The following PLAAT5 variants were observed in gnomAD, a reference collection of about 807,000 sequenced individuals.
The protein encoded by PLAAT5 is Ca(2+)-independent N-acyltransferase.
A neutral mutation model predicts 27.8 loss-of-function variants in PLAAT5; 27 were observed. The ratio of observed to expected loss-of-function variants is 0.97; its 90% CI spans 0.72 to 1.34. The LOEUF is 1.34. PLAAT5 is among the 40% of genes most tolerant of loss of function. The pLI is 0.00. For missense variants in PLAAT5, 368 were observed against 343.8 expected (o/e 1.07, Z -0.56); for synonymous variants, 125 against 136.1 (o/e 0.92, Z 0.57).
chr11:63,471,956 C>T (rs947951962), intron 3 of PLAAT5, among the ~76,000 whole-genome samples: 8 of 152,090 alleles, frequency 5.3e-5, no homozygotes, highest in Non-Finnish European at 8.8e-5. Context: ...AACCAAACAC[C>T]GCATGTTCTC....
intron 3 of PLAAT5, among the ~76,000 whole-genome samples, chr11:63,474,201 G>C (rs1200627096): frequency 1.3e-5 from 2 of 152,070 alleles, no homozygotes; most frequent in African/African-American, 4.8e-5. Context: ...TTGGTATCAA[G>C]GTAATACTGG....
At chr11:63,463,733 C>G in intron 5 of PLAAT5, 138 bp from the exon 6 acceptor site, 1 of 658,008 alleles carries the variant, frequency 1.5e-6, no homozygotes, top group South Asian at 1.8e-5. Context: ...TCCATGCTAT[C>G]TTATATTTTC....
intron 3 of PLAAT5, among the ~76,000 whole-genome samples, chr11:63,483,835 A>ATG (rs2016367154): frequency 1.7e-5 from 2 of 120,776 alleles, no homozygotes; most frequent in Middle Eastern, 4.1e-3. Context: ...ATATATATAT[A>ATG]TATATATACA....
chr11:63,478,325 CTT>C (rs768796267), intron 3 of PLAAT5, among the ~76,000 whole-genome samples: 16 of 143,858 alleles, frequency 1.1e-4, no homozygotes, highest in Non-Finnish European at 9.2e-5. Flanking sequence ...AATAGACTTT[CTT>C]TTTTTTTTTT....
At chr11:63,490,118 G>T in intron 2 of PLAAT5, 125 bp downstream of exon 2, 1 of 1,272,164 alleles carries the variant, frequency 7.9e-7, no homozygotes, top group Non-Finnish European at 1.1e-6. Flanking sequence ...CCTTCCCCTT[G>T]CTGGGTACCG....
chr11:63,479,093 G>A (rs1052126268), intron 3 of PLAAT5, among the ~76,000 whole-genome samples: 2 of 152,200 alleles, frequency 1.3e-5, no homozygotes, highest in Non-Finnish European at 2.9e-5. Context: ...CCCAGGGAAA[G>A]CAGTAGGGAT....
Position 63,483,647 on chromosome 11 carries a change from CAAAAAA to C in PLAAT5, c.345+5218_345+5223del, listed in dbSNP as rs899244670. 2.3e-4 allele frequency among the ~76,000 whole-genome samples: 15 copies of C among 64,270 alleles called. 1 individual carries two copies. Among genetic ancestry groups the C allele is most frequent in the Admixed American group, 1.6e-3 (9 of 5,462 alleles). 42.2% of individuals were successfully genotyped at this position (64,270 alleles called of 152,430 possible). A position where few individuals can be genotyped will look rare whatever the true frequency, so the allele number is the denominator to read the frequency against. ...AGTTCATAGCATTAAATGCCTACACCAAAAAAAAAAAAAAAAAAAAATCTAAGGTTA... is the reference window on the plus strand; with the variant it reads ...AGTTCATAGCATTAAATGCCTACACCAAAAAAAAAAAAAAATCTAAGGTTA... On this transcript the variant is annotated intron_variant, in intron 3 of 5. Transcript: ENST00000540857.
chr11:63,481,005 T>C lies in PLAAT5; in HGVS notation c.345+7866A>G, dbSNP rs149338177. ...TGCATTTTGTATATCTCTAAGTGTG[T>C]CTTTCATTTCCATAAGTTGTGCTTT... On this transcript the variant is annotated intron_variant, in intron 3 of 5. Transcript: ENST00000540857. Among the ~76,000 whole-genome samples the C allele has an allele frequency of 3.3e-3, 503 of 152,354 alleles. 1 individual carries two copies. Among genetic ancestry groups the C allele is most frequent in the African/African-American group, 0.011 (477 of 41,584 alleles).
At position 63,468,415 on chromosome 11, in the gene PLAAT5, G is replaced by C; in HGVS notation, c.396C>G (p.Gly132=). Residue 132 remains glycine, a synonymous_variant, in exon 4 of 6, where the codon GGC becomes GGG. Coordinates refer to ENST00000540857, the MANE Select transcript of PLAAT5 (RefSeq NM_001146729.2). ...CTACATAGATGGCCCAGTGCTCATA[G>C]CCAATTCGAAAAATCTCAATCAGGT... ...PGDLIEIFRI[G]YEHWAIYVED... The C allele has an allele frequency of 1.2e-6, 2 of 1,614,142 alleles. No homozygotes were observed. The highest frequency in any genetic ancestry group is 1.7e-6 in the Non-Finnish European group (2 of 1,179,998).
chr11:63,488,961 AAC>A lies in PLAAT5; in HGVS notation c.253_254del (p.Val85Ter). 1 of 1,611,598 alleles carries A rather than the reference AAC, an allele frequency of 6.2e-7. No individual in the cohort carries two copies. Among genetic ancestry groups the A allele is most frequent in the African/African-American group, 1.3e-5 (1 of 74,782 alleles). ...RSIQQGEKAVVSLETTPSQKA... is the reference protein window; with the variant it reads ...RSIQQGEKAVXSLETTPSQKA... ...TCTGGCTGGGTGTGGTCTCCAAGCT[AAC>A]TACAGCCTTCTCCCTAAATGATTTT... On this transcript the variant is annotated frameshift_variant, in exon 3 of 6. Coordinates refer to ENST00000540857, the MANE Select transcript of PLAAT5 (RefSeq NM_001146729.2). LOFTEE classifies it high-confidence loss of function.
In PLAAT5 at chr11:63,462,079, A is replaced by G. The variant is rs1289322612; in HGVS notation, c.*1424T>C. ...CAACATCCAGTTTGTTTGATGAAAGATTAATATGGTCAATGAGCTCAAAGT... is the reference window on the plus strand; with the variant it reads ...CAACATCCAGTTTGTTTGATGAAAGGTTAATATGGTCAATGAGCTCAAAGT... On this transcript the variant is annotated 3_prime_UTR_variant, in exon 6 of 6. Transcript: ENST00000540857. 1 of 152,224 alleles carries G rather than the reference A, an allele frequency of 6.6e-6. No individual in the cohort carries two copies. Among genetic ancestry groups the G allele is most frequent in the Non-Finnish European group, 1.5e-5 (1 of 68,048 alleles). 9.4% of individuals were successfully genotyped at this position (152,224 alleles called of 1,614,324 possible). A position where few individuals can be genotyped will look rare whatever the true frequency, so the allele number is the denominator to read the frequency against.
At chr11:63,487,309 G>A (rs1452090118) in intron 3 of PLAAT5, among the ~76,000 whole-genome samples, 1 of 152,108 alleles carries the variant, frequency 6.6e-6, no homozygotes, top group Non-Finnish European at 1.5e-5. Flanking sequence ...TATATGGATG[G>A]CAAATATACG....
At chr11:63,478,234 C>T (rs1022022693) in intron 3 of PLAAT5, among the ~76,000 whole-genome samples, 10 of 152,216 alleles carry the variant, frequency 6.6e-5, no homozygotes, top group African/African-American at 2.2e-4. Context: ...CTGGATAGAA[C>T]TTCCTTACCA....
chr11:63,464,386 G>A (rs2015798385), intron 5 of PLAAT5, among the ~76,000 whole-genome samples: 1 of 152,200 alleles, frequency 6.6e-6, no homozygotes, highest in Non-Finnish European at 1.5e-5. Flanking sequence ...GGTTGGGTGT[G>A]GTGGCTCACG....
At position 63,483,784 on chromosome 11, in the gene PLAAT5, AATATATATATATATATGTATAT is replaced by A. The variant is rs1314352399; in HGVS notation, c.345+5065_345+5086del. On this transcript the variant is annotated intron_variant, in intron 3 of 5. Coordinates refer to ENST00000540857, the MANE Select transcript of PLAAT5 (RefSeq NM_001146729.2). ...GTAAATGAAATTGAAGCAAAAAAAA[AATATATATATATATATGTATAT>A]ATATATATATATATATATATATATA... 2.5e-3 allele frequency among the ~76,000 whole-genome samples: 167 copies of A among 65,672 alleles called. 4 individuals carry two copies. The highest frequency in any genetic ancestry group is 0.014 in the African/African-American group (141 of 10,236). 43.1% of individuals were successfully genotyped at this position (65,672 alleles called of 152,430 possible). A position where few individuals can be genotyped will look rare whatever the true frequency, so the allele number is the denominator to read the frequency against.
At chr11:63,487,345 G>A (rs1004899623) in intron 3 of PLAAT5, among the ~76,000 whole-genome samples, 12 of 152,086 alleles carry the variant, frequency 7.9e-5, no homozygotes, top group African/African-American at 2.9e-4. Flanking sequence ...AACATTATTA[G>A]TCATTAGGAA....
intron 3 of PLAAT5, among the ~76,000 whole-genome samples, chr11:63,481,800 G>T (rs892905595): frequency 1.2e-4 from 19 of 152,140 alleles, no homozygotes; most frequent in African/African-American, 3.9e-4. Flanking sequence ...GCAAACTATC[G>T]CAAGGACAAA....
At chr11:63,481,523 C>T (rs1032764709) in intron 3 of PLAAT5, among the ~76,000 whole-genome samples, 1 of 152,216 alleles carries the variant, frequency 6.6e-6, no homozygotes, top group Non-Finnish European at 1.5e-5. Context: ...GCTCCCCGTA[C>T]ATCTGCACAG....
At chr11:63,473,387 A>G (rs926841467) in intron 3 of PLAAT5, among the ~76,000 whole-genome samples, 12 of 152,226 alleles carry the variant, frequency 7.9e-5, no homozygotes, top group Admixed American at 6.5e-4. Flanking sequence ...TAATGTAAAC[A>G]TAACTTTTAT....
Sources: gnomAD v4.1 joint callset for allele counts (sites outside exome capture counted in the v4.1 genomes callset) on GRCh38, gnomAD v4.1.1 for gene constraint, MANE v1.5 for transcripts, NCBI Gene and HGNC (gene_info 2026-07-23, HGNC 2026-07-21) for gene names.